The following SCN3A variants were observed in gnomAD, a reference collection of about 807,000 sequenced individuals.
SCN3A encodes sodium voltage-gated channel alpha subunit 3, also known as sodium channel protein type 3 subunit alpha.
SCN3A carries 60 observed loss-of-function variants against 187.6 expected under a neutral mutation model. The ratio of observed to expected loss-of-function variants is 0.32; its 90% CI spans 0.26 to 0.40. The LOEUF is 0.40. Ranked by LOEUF, SCN3A falls within the 10% of genes least tolerant of loss-of-function variation. The probability of loss-of-function intolerance (pLI) is 1.00; values close to 1 mark genes in which losing one functional copy is unlikely to be tolerated. For synonymous variants in SCN3A, 788 were observed against 829.2 expected, an observed-to-expected ratio of 0.95 and a Z score of 0.85; for missense variants, 1,601 against 2,428.2, an observed-to-expected ratio of 0.66 and a Z score of 7.16.
intron 2 of SCN3A, among the ~76,000 whole-genome samples, chr2:165,182,283 G>C (rs1467821043): frequency 1.3e-5 from 2 of 152,190 alleles, no homozygotes; most frequent in African/African-American, 4.8e-5. Flanking sequence ...TCTGACTATA[G>C]CTCTGGTACC....
Position 165,164,497 on chromosome 2 carries a change from G to A in SCN3A, c.497C>T (p.Thr166Ile), listed in dbSNP as rs905162574. Reference protein sequence around the residue: ...NVEYTFTGIYTFESLIKILAR... With the variant: ...NVEYTFTGIYIFESLIKILAR... Reference sequence around the variant, plus strand: ...CAAGATTTTTATAAGTGACTCAAAGGTATAGATTCCAGTGAATGTGTACCT... The same window carrying A: ...CAAGATTTTTATAAGTGACTCAAAGATATAGATTCCAGTGAATGTGTACCT... Residue 166 changes from threonine to isoleucine, a missense_variant, in exon 6 of 28, where the codon ACC (threonine) becomes ATC (isoleucine). Transcript: ENST00000283254. The A allele has an allele frequency of 6.2e-7, 1 of 1,613,590 alleles. No homozygotes were observed. Among genetic ancestry groups the A allele is most frequent in the African/African-American group, 1.3e-5 (1 of 74,884 alleles).
rs542024051 is a variant in SCN3A, at chr2:165,174,252, A to T, written c.264+1879T>A. 8.9e-4 allele frequency among the ~76,000 whole-genome samples: 135 copies of T among 152,290 alleles called. 3 individuals carry two copies. In the South Asian group the frequency reaches 0.026, roughly 29 times the overall value. ...AATGAGATACATTACTTTCATATGG[A>T]CTGAGATAATTGTAGTGATGTAATG... On this transcript the variant is annotated intron_variant, in intron 3 of 27. Coordinates refer to ENST00000283254, the MANE Select transcript of SCN3A (RefSeq NM_006922.4).
intron 1 of SCN3A, among the ~76,000 whole-genome samples, chr2:165,191,249 C>A (rs574348899): frequency 3.9e-5 from 6 of 152,124 alleles, no homozygotes; most frequent in Admixed American, 6.5e-5. Flanking sequence ...CAGAAGCCTG[C>A]AATTGCTTTC....
At chr2:165,162,515 A>G (rs1327178758) in intron 8 of SCN3A, 41 bp downstream of exon 8, 1 of 1,612,742 alleles carries the variant, frequency 6.2e-7, no homozygotes, top group Non-Finnish European at 8.5e-7. Context: ...TTGAAAATTC[A>G]TTCAGCAACA....
Position 165,087,885 on chromosome 2 carries a change from C to T in SCN3A, c.*2265G>A, listed in dbSNP as rs996222756. The T allele has an allele frequency of 2.0e-5, 3 of 152,104 alleles. No individual in the cohort carries two copies. Among genetic ancestry groups the T allele is most frequent in the Non-Finnish European group, 4.4e-5 (3 of 67,998 alleles). 9.4% of individuals were successfully genotyped at this position (152,104 alleles called of 1,614,324 possible). A position where few individuals can be genotyped will look rare whatever the true frequency, so the allele number is the denominator to read the frequency against. On this transcript the variant is annotated 3_prime_UTR_variant, in exon 28 of 28. Coordinates refer to ENST00000283254, the MANE Select transcript of SCN3A (RefSeq NM_006922.4). The stretch of plus-strand genomic sequence containing the variant: ...TGAAAGCTATTGTAGGTGGTTACTA[C>T]TATTATTATCAAACCTGAAAGTTGG...
In SCN3A at chr2:165,090,925, T is replaced by C. The variant is rs1685063887; in HGVS notation, c.5228A>G (p.Asn1743Ser). 1 of 1,613,788 alleles carries C rather than the reference T, an allele frequency of 6.2e-7. No homozygotes were observed. ...PGSSVKGDCGNPSVGIFFFVS... is the reference protein window; with the variant it reads ...PGSSVKGDCGSPSVGIFFFVS... ...AAAAAAGAAAATCCCAACAGATGGGTTCCCACAGTCTCCCTTAACTGAGCT... is the reference window on the plus strand; with the variant it reads ...AAAAAAGAAAATCCCAACAGATGGGCTCCCACAGTCTCCCTTAACTGAGCT... The change falls in exon 28 of 28, where the codon AAC (asparagine) becomes AGC (serine). Residue 1743 changes from asparagine (N) to serine (S), a missense_variant. Physicochemically the swap from Asn to Ser is conservative, Grantham distance 46. Coordinates refer to ENST00000283254, the MANE Select transcript of SCN3A (RefSeq NM_006922.4). The surrounding 1 kb of genome is among the most constrained non-coding windows in gnomAD (Gnocchi z 4.0).
chr2:165,143,164 C>T (rs1324503145), intron 12 of SCN3A, among the ~76,000 whole-genome samples: 6 of 152,152 alleles, frequency 3.9e-5, no homozygotes, highest in African/African-American at 1.4e-4. Context: ...GCAGATAGGA[C>T]TCTGGAATCT....
chr2:165,094,529 T>G (rs747348216), intron 25 of SCN3A, 51 bp from the exon 26 acceptor site: 12 of 1,171,834 alleles, frequency 1.0e-5, no homozygotes, highest in Non-Finnish European at 1.5e-5. Context: ...AATAGTACTT[T>G]CACAAAAAAT....
chr2:165,130,140 A>G lies in SCN3A; in HGVS notation c.2722T>C (p.Tyr908His). 6.2e-7 allele frequency: 1 copy of G among 1,614,178 alleles called. No individual in the cohort carries two copies. The highest frequency in any genetic ancestry group is 1.1e-5 in the South Asian group (1 of 91,080). The change falls in exon 17 of 28, where the codon TAC (tyrosine) becomes CAC (histidine). Residue 908 changes from tyrosine to histidine, a missense_variant. By Grantham distance (83) the Tyr-to-His change is moderately conservative. This residue lies in a region of SCN3A where 91 missense variants were observed against 207.0 expected (regional missense o/e 0.44). Coordinates refer to ENST00000283254, the MANE Select transcript of SCN3A (RefSeq NM_006922.4). The stretch of plus-strand genomic sequence containing the variant: ...TTGATCTTGCAGACACATTCTTTGT[A>G]GCTCTTACCAAAGAGCTGCATGCCG... ...VVGMQLFGKS[Y>H]KECVCKINDD...
rs955396673 is a variant in SCN3A at position 165,203,890 on chromosome 2, C to T, written c.-315G>A. On this transcript the variant is annotated 5_prime_UTR_variant, in exon 1 of 28. Transcript: ENST00000283254. ...AGCATCCAAGATGGTTAGGGTATAA[C>T]GTGTCTTCCTCTGCAGCTGTTCAGC... The T allele has an allele frequency of 6.8e-6, 1 of 146,828 alleles. No homozygotes were observed. Among genetic ancestry groups the T allele is most frequent in the African/African-American group, 2.5e-5 (1 of 39,770 alleles). The allele number at this position is 146,828 out of a possible 1,614,324, so 9.1% of individuals were successfully genotyped here.
chr2:165,155,943 T>G, intron 9 of SCN3A, 40 bp from the exon 10 acceptor site: 1 of 1,611,276 alleles, frequency 6.2e-7, no homozygotes, highest in Non-Finnish European at 8.5e-7. Context: ...AGTTTAGAAA[T>G]TACAGCAATT....
intron 21 of SCN3A, among the ~76,000 whole-genome samples, chr2:165,109,035 T>A (rs1469580373): frequency 3.3e-5 from 5 of 152,208 alleles, no homozygotes; most frequent in Admixed American, 2.6e-4. Context: ...CCAATATTGC[T>A]TGATTTTTGA....
intron 9 of SCN3A, among the ~76,000 whole-genome samples, chr2:165,156,348 T>TA (rs1416518269): frequency 7.4e-6 from 1 of 134,994 alleles, no homozygotes; most frequent in Admixed American, 8.3e-5. Context: ...CTACTAAAAA[T>TA]ACAAAAAAAA....
At chr2:165,197,218 T>C (rs1474404846) in intron 1 of SCN3A, among the ~76,000 whole-genome samples, 1 of 152,144 alleles carries the variant, frequency 6.6e-6, no homozygotes, top group African/African-American at 2.4e-5. Context: ...ACTTAACACA[T>C]GCCCGCTGGT....
chr2:165,153,590 T>C (rs1406895602), intron 11 of SCN3A, among the ~76,000 whole-genome samples: 1 of 151,934 alleles, frequency 6.6e-6, no homozygotes, highest in African/African-American at 2.4e-5. Flanking sequence ...AACCACTTCA[T>C]AAAAGAAGCT....
chr2:165,191,728 C>A (rs1691625891), intron 1 of SCN3A, among the ~76,000 whole-genome samples: 2 of 152,130 alleles, frequency 1.3e-5, no homozygotes, highest in African/African-American at 2.4e-5. Context: ...ATATAACTTA[C>A]TTATAATGTT....
intron 18 of SCN3A, among the ~76,000 whole-genome samples, chr2:165,116,323 C>T (rs908236462): frequency 1.6e-4 from 24 of 152,086 alleles, no homozygotes; most frequent in East Asian, 3.8e-4. Context: ...ATGTGTGATC[C>T]GGCTGTGAAT....
chr2:165,177,637 A>T (rs2105928289), intron 2 of SCN3A, among the ~76,000 whole-genome samples: 1 of 152,286 alleles, frequency 6.6e-6, no homozygotes, highest in African/African-American at 2.4e-5. Context: ...TGCAGTGTAT[A>T]GAGGCACACT....
intron 1 of SCN3A, among the ~76,000 whole-genome samples, chr2:165,187,283 C>A (rs1383357439): frequency 6.6e-6 from 1 of 152,076 alleles, no homozygotes; most frequent in Non-Finnish European, 1.5e-5. Context: ...ATATTTTAGA[C>A]AAGCTGAGGT....
Sources: gnomAD v4.1 joint callset for allele counts (sites outside exome capture counted in the v4.1 genomes callset) on GRCh38, gnomAD v4.1.1 for gene constraint, gnomAD v4.1.1 regional missense constraint, Gnocchi (gnomAD v3.1) non-coding constraint, MANE v1.5 for transcripts, NCBI Gene and HGNC (gene_info 2026-07-23, HGNC 2026-07-21) for gene names.